The following ASTN2 variants were observed in gnomAD, a reference collection of about 807,000 sequenced individuals.
ASTN2 encodes astrotactin 2, also known as astrotactin-2.
In ASTN2, 54 loss-of-function variants were observed where a neutral mutation model predicts 139.8. The ratio of observed to expected loss-of-function variants is 0.39; its 90% CI spans 0.31 to 0.48. The LOEUF is 0.48. ASTN2 is among the 20% of genes least tolerant of loss of function. ASTN2 has a pLI of 0.95. For missense variants in ASTN2, 1,565 were observed against 1,725.1 expected (o/e 0.91, Z 1.64); for synonymous variants, 756 against 719.5 (o/e 1.05, Z -0.81).
rs555912390 is a variant in ASTN2 at position 116,976,927 on chromosome 9, C to T, written c.1592-142G>A. On this transcript the variant is annotated intron_variant, in intron 7 of 22. Transcript: ENST00000313400. ...ATGGAAAGAGGGTAATCTTGTCCAT[C>T]AACCACTGTGGTTAACAGAGTTTAT... 225 of 667,338 alleles carry T rather than the reference C, an allele frequency of 3.4e-4. 1 individual carries two copies. The South Asian group carries it at 3.6e-3, about 11-fold the overall frequency. The allele number at this position is 667,338 out of a possible 1,614,324, so 41.3% of individuals were successfully genotyped here.
chr9:117,137,370 G>C (rs2132850558), intron 4 of ASTN2, among the ~76,000 whole-genome samples: 1 of 152,310 alleles, frequency 6.6e-6, no homozygotes, highest in East Asian at 1.9e-4. Context: ...AGCAGAAAGA[G>C]GGCAGGTGCT....
intron 20 of ASTN2, among the ~76,000 whole-genome samples, chr9:116,447,233 C>G (rs1588067590): frequency 1.3e-5 from 2 of 152,320 alleles, no homozygotes; most frequent in South Asian, 4.1e-4. Flanking sequence ...ACCTTACCTC[C>G]TCTGGAAAGT....
chr9:116,434,921 C>A (rs1847603917), intron 22 of ASTN2, among the ~76,000 whole-genome samples: 1 of 152,084 alleles, frequency 6.6e-6, no homozygotes, highest in Non-Finnish European at 1.5e-5. Context: ...GGATATATGA[C>A]CACAGATTTA....
intron 16 of ASTN2, among the ~76,000 whole-genome samples, chr9:116,656,354 A>C (rs1362450842): frequency 6.6e-6 from 1 of 152,220 alleles, no homozygotes; most frequent in East Asian, 1.9e-4. Context: ...TGCTCTAATC[A>C]AAAGGTCAAC....
intron 16 of ASTN2, among the ~76,000 whole-genome samples, chr9:116,707,577 A>C (rs1828026468): frequency 6.6e-6 from 1 of 152,152 alleles, no homozygotes; most frequent in Admixed American, 6.5e-5. Flanking sequence ...AAATAAAATA[A>C]ACTTGGATAC....
At chr9:116,469,521 C>T (rs1351212382) in intron 20 of ASTN2, among the ~76,000 whole-genome samples, 2 of 152,148 alleles carry the variant, frequency 1.3e-5, no homozygotes, top group African/African-American at 2.4e-5. Context: ...GCTCTGAGGT[C>T]GGTCAGAAAA....
intron 17 of ASTN2, among the ~76,000 whole-genome samples, chr9:116,632,204 GAAAAGAAA>G (rs1856812956): frequency 3.7e-5 from 2 of 53,358 alleles, no homozygotes; most frequent in African/African-American, 1.7e-4. Flanking sequence ...GAGAAAGAAA[GAAAAGAAA>G]GAAAGAAAGA....
intron 10 of ASTN2, among the ~76,000 whole-genome samples, chr9:116,933,979 C>CTTTCTTTTTTTTTTTTTTTTT (rs1834987075): frequency 1.2e-5 from 1 of 86,910 alleles, no homozygotes. Flanking sequence ...AGTGTTAGTC[C>CTTTCTTTTTTTTTTTTTTTTT]TTTTTTTTTT....
chr9:116,804,373 A>C (rs537738578), intron 13 of ASTN2, among the ~76,000 whole-genome samples: 22 of 152,210 alleles, frequency 1.4e-4, no homozygotes, highest in African/African-American at 5.3e-4. Flanking sequence ...CAGTGATTCT[A>C]ATAATGAAGC....
Position 117,054,463 on chromosome 9 carries a change from C to T in ASTN2, c.1277-14498G>A, listed in dbSNP as rs528804473. 7.2e-5 allele frequency among the ~76,000 whole-genome samples: 11 copies of T among 152,240 alleles called. No individual in the cohort carries two copies. In the East Asian group the frequency reaches 2.1e-3, roughly 29 times the overall value. On this transcript the variant is annotated intron_variant, in intron 5 of 22. Transcript: ENST00000313400. ...GAGCTAGGGATACAGAGCTCAGAGC[C>T]ATTAAATGTTTCAATGTCCAGTGAG... is the stretch of plus-strand genomic sequence containing the variant.
intron 19 of ASTN2, among the ~76,000 whole-genome samples, chr9:116,601,316 T>G (rs116542128): frequency 1.2e-3 from 182 of 152,354 alleles, no homozygotes; most frequent in African/African-American, 4.2e-3. Flanking sequence ...ATGAAAGTTC[T>G]TAAAAGGTTT....
chr9:116,614,966 T>C (rs1423769432), intron 19 of ASTN2, among the ~76,000 whole-genome samples: 1 of 152,060 alleles, frequency 6.6e-6, no homozygotes, highest in East Asian at 1.9e-4. Context: ...ATTTTTGCAA[T>C]CTACTCATGT....
intron 4 of ASTN2, among the ~76,000 whole-genome samples, chr9:117,114,803 A>G (rs1829337155): frequency 2.0e-5 from 3 of 152,124 alleles, no homozygotes; most frequent in African/African-American, 7.2e-5. Flanking sequence ...TTCTCCTGGG[A>G]CAGAAACCAG....
At chr9:117,375,222 A>T (rs1830091572) in intron 1 of ASTN2, among the ~76,000 whole-genome samples, 1 of 152,236 alleles carries the variant, frequency 6.6e-6, no homozygotes, top group Non-Finnish European at 1.5e-5. Flanking sequence ...TGTCTGGGCC[A>T]GAGTTTGCAT....
At chr9:117,245,766 T>C (rs1438915759) in intron 2 of ASTN2, among the ~76,000 whole-genome samples, 1 of 152,174 alleles carries the variant, frequency 6.6e-6, no homozygotes, top group African/African-American at 2.4e-5. Context: ...TCTCCTTGCC[T>C]AGTACATTCT....
chr9:117,207,782 A>G (rs995738731), intron 3 of ASTN2, among the ~76,000 whole-genome samples: 12 of 152,190 alleles, frequency 7.9e-5, no homozygotes, highest in African/African-American at 2.7e-4. Flanking sequence ...AAGCTGCATG[A>G]ACATCCCCCT....
At chr9:116,745,547 G>T (rs757839772) in intron 13 of ASTN2, among the ~76,000 whole-genome samples, 1 of 152,098 alleles carries the variant, frequency 6.6e-6, no homozygotes, top group South Asian at 2.1e-4. Context: ...TTCTCTGCAC[G>T]TGTTTCCCAT....
rs185846133 is a variant in ASTN2 at position 116,932,008 on chromosome 9, T to C, written c.1889+43200A>G. On this transcript the variant is annotated intron_variant, in intron 10 of 22. Coordinates refer to ENST00000313400, the MANE Select transcript of ASTN2 (RefSeq NM_001365068.1). ...AAATAACGCTGGTTTGGCTGAACTG[T>C]GAGAATGAGGGGTGGTAGGGGGAAG... 2.0e-5 allele frequency among the ~76,000 whole-genome samples: 3 copies of C among 151,732 alleles called. No individual in the cohort carries two copies. In the East Asian group the frequency reaches 5.8e-4, roughly 29 times the overall value.
chr9:117,062,076 A>T (rs991718281), intron 5 of ASTN2, among the ~76,000 whole-genome samples: 1 of 152,174 alleles, frequency 6.6e-6, no homozygotes, highest in African/African-American at 2.4e-5. Flanking sequence ...AATTTGAAGG[A>T]TGGGTCTTCT....
Sources: gnomAD v4.1 joint callset for allele counts (sites outside exome capture counted in the v4.1 genomes callset) on GRCh38, gnomAD v4.1.1 for gene constraint, MANE v1.5 for transcripts, NCBI Gene and HGNC (gene_info 2026-07-23, HGNC 2026-07-21) for gene names.